Variants in IKZF2 observed in about 807,000 individuals in gnomAD.
The protein encoded by IKZF2 is zinc finger protein Helios.
In IKZF2, 15 loss-of-function variants were observed where a neutral mutation model predicts 49.2. The ratio of observed to expected loss-of-function variants is 0.30; its 90% CI spans 0.20 to 0.47. IKZF2 has a LOEUF of 0.47. IKZF2 is among the 20% of genes least tolerant of loss of function. IKZF2 has a pLI of 1.00. For missense variants in IKZF2, 567 were observed against 664.6 expected, an observed-to-expected ratio of 0.85 and a Z score of 1.61; for synonymous variants, 227 against 221.4, an observed-to-expected ratio of 1.03 and a Z score of -0.23.
intron 5 of IKZF2, among the ~76,000 whole-genome samples, chr2:213,054,700 T>G (rs1700979178): frequency 6.6e-6 from 1 of 152,164 alleles, no homozygotes; most frequent in Non-Finnish European, 1.5e-5. Flanking sequence ...ATTTGCACAA[T>G]GCTCCAATAA....
At chr2:213,080,433 G>C (rs767708872) in intron 4 of IKZF2, among the ~76,000 whole-genome samples, 18 of 152,188 alleles carry the variant, frequency 1.2e-4, no homozygotes, top group Non-Finnish European at 2.1e-4. Context: ...AGAAAACGAG[G>C]AGAACAAATC....
At chr2:213,074,349 T>C (rs1703027358) in intron 4 of IKZF2, among the ~76,000 whole-genome samples, 1 of 152,192 alleles carries the variant, frequency 6.6e-6, no homozygotes. Flanking sequence ...TTGCCTGTTG[T>C]TCCTAAGCTA....
chr2:213,139,373 T>C (rs1034133888), intron 4 of IKZF2, among the ~76,000 whole-genome samples: 2 of 152,014 alleles, frequency 1.3e-5, no homozygotes, highest in African/African-American at 2.4e-5. Context: ...ATTGTGATGC[T>C]GAATATATTA....
intron 4 of IKZF2, among the ~76,000 whole-genome samples, chr2:213,116,118 C>A (rs1164444834): frequency 6.6e-6 from 1 of 152,068 alleles, no homozygotes; most frequent in Admixed American, 6.5e-5. Context: ...CATATTATTA[C>A]CATCTTAAAT....
Position 213,133,173 on chromosome 2 carries a change from T to C in IKZF2, c.139+14535A>G, listed in dbSNP as rs1009553258. Among the ~76,000 whole-genome samples, 4 of 152,348 alleles carry C rather than the reference T, an allele frequency of 2.6e-5. No homozygotes were observed. The South Asian group carries it at 8.3e-4, about 32-fold the overall frequency. ...ATTCAACTTTTTTCTCATATTCTTTTTATCTAACAATAAAATAGGAGCTAT... is the reference window on the plus strand; with the variant it reads ...ATTCAACTTTTTTCTCATATTCTTTCTATCTAACAATAAAATAGGAGCTAT... On this transcript the variant is annotated intron_variant, in intron 4 of 8. Coordinates refer to ENST00000434687, the MANE Select transcript of IKZF2 (RefSeq NM_001387220.1).
In IKZF2 at chr2:213,003,147, AGT is replaced by A. The variant is rs1695045552; in HGVS notation, c.*4211_*4212del. 6.6e-6 allele frequency: 1 copy of A among 152,136 alleles called. No homozygotes were observed. The highest frequency in any genetic ancestry group is 2.4e-5 in the African/African-American group (1 of 41,420). The allele number at this position is 152,136 out of a possible 1,614,324, so 9.4% of individuals were successfully genotyped here. ...GTGATTTTTAAAAATGCATATTAAA[AGT>A]GTTGTACAGCTGCAACAGCTAACCA... is the stretch of plus-strand genomic sequence containing the variant. On this transcript the variant is annotated 3_prime_UTR_variant, in exon 9 of 9. Transcript: ENST00000434687.
At chr2:213,011,564 A>G (rs1187909346) in intron 8 of IKZF2, among the ~76,000 whole-genome samples, 2 of 152,068 alleles carry the variant, frequency 1.3e-5, no homozygotes, top group African/African-American at 4.8e-5. Flanking sequence ...TGTTGAAATC[A>G]GTTCCAGCGA....
intron 2 of IKZF2, among the ~76,000 whole-genome samples, chr2:213,149,239 A>G (rs1164186480): frequency 2.0e-5 from 3 of 152,210 alleles, no homozygotes; most frequent in Non-Finnish European, 2.9e-5. Flanking sequence ...CACCTGTTCA[A>G]TGTAACCTTA....
chr2:213,071,550 C>G (rs966554473), intron 4 of IKZF2, among the ~76,000 whole-genome samples: 1 of 152,032 alleles, frequency 6.6e-6, no homozygotes. Context: ...CAGTAACAAT[C>G]AAGCCATAGT....
chr2:213,150,157 CT>C lies in IKZF2; in HGVS notation c.-30del. On this transcript the variant is annotated 5_prime_UTR_variant, in exon 2 of 9. Coordinates refer to ENST00000434687, the MANE Select transcript of IKZF2 (RefSeq NM_001387220.1). Reference sequence around the variant, plus strand: ...AAATGTACATACAAAAGAAATTGTCCTTTGATTAAAAAAGATTCATCACCAT... The same window carrying C: ...AAATGTACATACAAAAGAAATTGTCCTTGATTAAAAAAGATTCATCACCAT... 7.7e-7 allele frequency: 1 copy of C among 1,302,372 alleles called. No homozygotes were observed. The highest frequency in any genetic ancestry group is 1.0e-6 in the Non-Finnish European group (1 of 987,212). The allele number at this position is 1,302,372 out of a possible 1,614,324, so 80.7% of individuals were successfully genotyped here.
Position 213,074,515 on chromosome 2 carries a change from T to C in IKZF2, c.140-17416A>G, listed in dbSNP as rs547322984. Among the ~76,000 whole-genome samples the C allele has an allele frequency of 2.6e-5, 4 of 152,342 alleles. No individual in the cohort carries two copies. In the East Asian group the frequency reaches 7.7e-4, roughly 29 times the overall value. Reference sequence around the variant, plus strand: ...GTATATGTGGTCTATCATTGAAAAGTTATCAGGCATGCACATGACTGTACA... The same window carrying C: ...GTATATGTGGTCTATCATTGAAAAGCTATCAGGCATGCACATGACTGTACA... On this transcript the variant is annotated intron_variant, in intron 4 of 8. Coordinates refer to ENST00000434687, the MANE Select transcript of IKZF2 (RefSeq NM_001387220.1).
chr2:213,061,868 A>G (rs961268182), intron 4 of IKZF2, among the ~76,000 whole-genome samples: 11 of 151,660 alleles, frequency 7.3e-5, no homozygotes, highest in African/African-American at 2.7e-4. Context: ...TAATTTGGTT[A>G]CATAATAAAT....
At chr2:213,138,360 T>G (rs1472954745) in intron 4 of IKZF2, among the ~76,000 whole-genome samples, 2 of 151,990 alleles carry the variant, frequency 1.3e-5, no homozygotes, top group African/African-American at 4.8e-5. Context: ...TGGGACCAAT[T>G]TGAAGATTAC....
At chr2:213,126,087 C>G (rs563181796) in intron 4 of IKZF2, among the ~76,000 whole-genome samples, 44 of 152,066 alleles carry the variant, frequency 2.9e-4, no homozygotes, top group Non-Finnish European at 6.0e-4. Flanking sequence ...TCATTTTTAC[C>G]TAGAATCTCT....
chr2:213,061,867 T>C (rs1179755552), intron 4 of IKZF2, among the ~76,000 whole-genome samples: 2 of 151,620 alleles, frequency 1.3e-5, no homozygotes, highest in Non-Finnish European at 3.0e-5. Context: ...GTAATTTGGT[T>C]ACATAATAAA....
At chr2:213,075,646 A>G (rs1473372949) in intron 4 of IKZF2, among the ~76,000 whole-genome samples, 2 of 152,182 alleles carry the variant, frequency 1.3e-5, no homozygotes, top group Non-Finnish European at 2.9e-5. Context: ...TAACAAAACT[A>G]GAATCCTCAA....
chr2:213,150,808 AT>A (rs1201984741), intron 1 of IKZF2, among the ~76,000 whole-genome samples: 2 of 152,034 alleles, frequency 1.3e-5, no homozygotes, highest in African/African-American at 4.8e-5. Context: ...AAGAAAAAAA[AT>A]AAATAAATCT....
intron 4 of IKZF2, among the ~76,000 whole-genome samples, chr2:213,058,654 A>G (rs1453235232): frequency 6.6e-6 from 1 of 151,888 alleles, no homozygotes; most frequent in Non-Finnish European, 1.5e-5. Context: ...GTTTTTAAAA[A>G]GAGTTGGGAC....
chr2:213,117,518 T>C (rs1052629742), intron 4 of IKZF2, among the ~76,000 whole-genome samples: 1 of 152,212 alleles, frequency 6.6e-6, no homozygotes, highest in Non-Finnish European at 1.5e-5. Context: ...GAAAAAATGC[T>C]AGGCACAAGG....
Sources: gnomAD v4.1 joint callset for allele counts (sites outside exome capture counted in the v4.1 genomes callset) on GRCh38, gnomAD v4.1.1 for gene constraint, MANE v1.5 for transcripts, NCBI Gene and HGNC (gene_info 2026-07-23, HGNC 2026-07-21) for gene names.